Variants in SAMD4A observed in about 807,000 individuals in gnomAD.
SAMD4A encodes the protein sterile alpha motif domain containing 4A.
In SAMD4A, 33 loss-of-function variants were observed where a neutral mutation model predicts 81.3. The ratio of observed to expected loss-of-function variants is 0.41; its 90% CI spans 0.31 to 0.54. The LOEUF is 0.54. Among genes scored for constraint, SAMD4A ranks in the 20% least tolerant of loss-of-function variants. The pLI is 0.37. For synonymous variants in SAMD4A, 389 were observed against 382.1 expected, an observed-to-expected ratio of 1.02 and a Z score of -0.21; for missense variants, 854 against 951.1, an observed-to-expected ratio of 0.90 and a Z score of 1.34.
chr14:54,687,133 A>G (rs2036293795), intron 2 of SAMD4A, among the ~76,000 whole-genome samples: 1 of 152,254 alleles, frequency 6.6e-6, no homozygotes. Flanking sequence ...AGGTCAAGAC[A>G]TACAGAAAAC....
At chr14:54,763,692 C>T (rs2038463692) in intron 7 of SAMD4A, among the ~76,000 whole-genome samples, 1 of 152,152 alleles carries the variant, frequency 6.6e-6, no homozygotes, top group Admixed American at 6.5e-5. Context: ...TGGCTGACTC[C>T]TTTTGTCCAC....
intron 2 of SAMD4A, chr14:54,689,823 A>T (rs1263938366): frequency 6.6e-6 from 1 of 152,170 alleles, no homozygotes; most frequent in African/African-American, 2.4e-5. Flanking sequence ...TACATTGGAC[A>T]TGTGACCTGG....
At chr14:54,647,576 C>A (rs77257634) in intron 2 of SAMD4A, among the ~76,000 whole-genome samples, 2,346 of 152,278 alleles carry the variant, frequency 0.015, 46 homozygotes, top group African/African-American at 0.053. Flanking sequence ...TATGCTCATG[C>A]ATAACAGCTG....
In SAMD4A at chr14:54,792,990, A is replaced by G. The variant is rs1594952658; in HGVS notation, c.*4046A>G. On this transcript the variant is annotated 3_prime_UTR_variant, in exon 13 of 13. Transcript: ENST00000554335. ...TGCCTTTCGTCCTGTTTTCCTGTATAAAGTTAGTGAACAAAGAAATATTTT... is the reference window on the plus strand; with the variant it reads ...TGCCTTTCGTCCTGTTTTCCTGTATGAAGTTAGTGAACAAAGAAATATTTT... 6.6e-6 allele frequency: 1 copy of G among 152,338 alleles called. No individual in the cohort carries two copies. The highest frequency in any genetic ancestry group is 2.1e-4 in the South Asian group (1 of 4,824). The allele number at this position is 152,338 out of a possible 1,614,324, so 9.4% of individuals were successfully genotyped here. A position where few individuals can be genotyped will look rare whatever the true frequency, so the allele number is the denominator to read the frequency against.
intron 2 of SAMD4A, among the ~76,000 whole-genome samples, chr14:54,622,767 G>T (rs1163098085): frequency 6.6e-6 from 1 of 152,184 alleles, no homozygotes; most frequent in East Asian, 1.9e-4. Context: ...TAGGCGTGGG[G>T]AGTTTTGCTC....
chr14:54,568,701 A>G (rs1214139135), intron 2 of SAMD4A, among the ~76,000 whole-genome samples: 3 of 59,184 alleles, frequency 5.1e-5, no homozygotes, highest in Non-Finnish European at 7.0e-5. Flanking sequence ...ATATATATAT[A>G]TATATATATA....
At chr14:54,650,513 G>C (rs898547241) in intron 2 of SAMD4A, among the ~76,000 whole-genome samples, 2 of 152,160 alleles carry the variant, frequency 1.3e-5, no homozygotes, top group East Asian at 3.9e-4. Flanking sequence ...GTCATGCCTC[G>C]TGGGTTGGCA....
chr14:54,594,045 CTT>C (rs906818354), intron 2 of SAMD4A, among the ~76,000 whole-genome samples: 1 of 152,026 alleles, frequency 6.6e-6, no homozygotes, highest in African/African-American at 2.4e-5. Context: ...AAGAAAATGT[CTT>C]TGTTTCTTCT....
intron 2 of SAMD4A, among the ~76,000 whole-genome samples, chr14:54,630,217 T>C (rs945254802): frequency 6.6e-6 from 1 of 152,198 alleles, no homozygotes; most frequent in African/African-American, 2.4e-5. Flanking sequence ...CTGGATCATA[T>C]GGTGATTCTA....
intron 2 of SAMD4A, among the ~76,000 whole-genome samples, chr14:54,618,559 A>G (rs954845503): frequency 1.1e-4 from 16 of 152,230 alleles, no homozygotes; most frequent in Admixed American, 9.8e-4. Context: ...TTGAAAATCA[A>G]CTGAAGAATT....
chr14:54,608,165 C>CT (rs1473933127), intron 2 of SAMD4A, among the ~76,000 whole-genome samples: 38 of 152,302 alleles, frequency 2.5e-4, no homozygotes, highest in African/African-American at 8.4e-4. Flanking sequence ...TTGCCACCTA[C>CT]TTTATGGCCT....
intron 8 of SAMD4A, among the ~76,000 whole-genome samples, chr14:54,769,146 G>A (rs541166336): frequency 2.6e-5 from 4 of 152,286 alleles, no homozygotes; most frequent in African/African-American, 7.2e-5. Context: ...CATATGTGAC[G>A]TGGGGTCCTC....
At chr14:54,767,626 G>C (rs1436237868) in intron 8 of SAMD4A, among the ~76,000 whole-genome samples, 1 of 152,224 alleles carries the variant, frequency 6.6e-6, no homozygotes, top group African/African-American at 2.4e-5. Flanking sequence ...CAGAACTCTG[G>C]AGTGGTGACT....
intron 2 of SAMD4A, among the ~76,000 whole-genome samples, chr14:54,614,652 A>G (rs568021912): frequency 6.6e-6 from 1 of 152,316 alleles, no homozygotes; most frequent in South Asian, 2.1e-4. Context: ...AAAGTGTTTC[A>G]GGTTGCCTAT....
At chr14:54,753,749 C>A (rs150530846) in intron 6 of SAMD4A, among the ~76,000 whole-genome samples, 233 of 152,238 alleles carry the variant, frequency 1.5e-3, no homozygotes, top group African/African-American at 4.1e-3. Context: ...AGGCTTCTCA[C>A]GTGCACATCC....
chr14:54,678,429 CCA>C (rs2036038818), intron 2 of SAMD4A, among the ~76,000 whole-genome samples: 1 of 106,154 alleles, frequency 9.4e-6, no homozygotes, highest in African/African-American at 4.1e-5. Context: ...TGGGCAGTCA[CCA>C]TTTGTGTGTG....
At chr14:54,715,486 A>C (rs1342783585) in intron 3 of SAMD4A, among the ~76,000 whole-genome samples, 1 of 152,124 alleles carries the variant, frequency 6.6e-6, no homozygotes, top group Non-Finnish European at 1.5e-5. Flanking sequence ...CATTAACTAC[A>C]TACTACGTGA....
At chr14:54,751,758 G>A (rs2295823) in intron 6 of SAMD4A, among the ~76,000 whole-genome samples, 13,351 of 152,256 alleles carry the variant, frequency 0.088, 948 homozygotes, top group African/African-American at 0.19. Context: ...GGCCCAGGCT[G>A]CCTTGCCTGG....
At chr14:54,577,484 A>C (rs1005446272) in intron 2 of SAMD4A, among the ~76,000 whole-genome samples, 1 of 152,382 alleles carries the variant, frequency 6.6e-6, no homozygotes, top group East Asian at 1.9e-4. Flanking sequence ...ACCAGATGAC[A>C]TATAAAGCAT....
Sources: allele counts gnomAD v4.1 joint callset (sites outside exome capture counted in the v4.1 genomes callset), GRCh38; gene constraint gnomAD v4.1.1; transcripts MANE v1.5; gene names NCBI Gene and HGNC (gene_info 2026-07-23, HGNC 2026-07-21).